OR1F1: variants seen among roughly 807,000 people sequenced by gnomAD.
OR1F1 encodes the protein olfactory receptor 1F1.
For missense variants in OR1F1, 493 were observed against 376.3 expected, an observed-to-expected ratio of 1.31 and a Z score of -2.57; for synonymous variants, 184 against 156.7, an observed-to-expected ratio of 1.17 and a Z score of -1.30.
At chr16:3,196,184 C>G in the OR1F1 span, among the ~76,000 whole-genome samples, 13 of 152,338 alleles carry the variant, frequency 8.5e-5, no homozygotes, top group African/African-American at 2.6e-4. Context: ...GAGCACAAGA[C>G]TCTTAATCTC....
At chr16:3,194,130 C>G in the OR1F1 span, among the ~76,000 whole-genome samples, 11 of 152,284 alleles carry the variant, frequency 7.2e-5, no homozygotes, top group South Asian at 2.1e-4. Context: ...GGGCATTAAA[C>G]AAGACACACA....
chr16:3,190,914 G>A, the OR1F1 span, among the ~76,000 whole-genome samples: 1 of 152,056 alleles, frequency 6.6e-6, no homozygotes, highest in Non-Finnish European at 1.5e-5. Flanking sequence ...CTTTGACAAC[G>A]GGACCTATGT....
rs113788191 is a variant in OR1F1 at position 3,204,390 on chromosome 16, C to T, written c.144C>T (p.Ser48=). Reference sequence around the variant, plus strand: ...TGGGGAACCTGCTCATCATCCTGTCCGTAAGCATAGACTCCTGCCTGCACA... The same window carrying T: ...TGGGGAACCTGCTCATCATCCTGTCTGTAAGCATAGACTCCTGCCTGCACA... The change falls in exon 1 of 1, where the codon TCC becomes TCT. Residue 48 remains serine (S), a synonymous_variant. Coordinates refer to ENST00000304646, the Ensembl canonical transcript of OR1F1. The T allele has an allele frequency of 1.4e-3, 2,250 of 1,614,056 alleles. 30 individuals carry two copies. The African/African-American group carries it at 0.026, about 18-fold the overall frequency.
chr16:3,199,757 T>A (rs1353209696), upstream of OR1F1, among the ~76,000 whole-genome samples: 12 of 152,124 alleles, frequency 7.9e-5, no homozygotes, highest in Admixed American at 6.5e-5. Context: ...CTCACACTTG[T>A]AATCTCTCAG....
chr16:3,193,493 G>C, the OR1F1 span, among the ~76,000 whole-genome samples: 1 of 152,250 alleles, frequency 6.6e-6, no homozygotes, highest in African/African-American at 2.4e-5. Context: ...CGCCGGTGGC[G>C]CGAGGACGCA....
chr16:3,204,506 T>G, exon 1 of OR1F1: 1 of 1,614,198 alleles, frequency 6.2e-7, no homozygotes, highest in Non-Finnish European at 8.5e-7. Flanking sequence ...AATCACATAC[T>G]CGAGACTCAG....
the OR1F1 span, among the ~76,000 whole-genome samples, chr16:3,195,617 G>A: frequency 2.6e-5 from 4 of 151,098 alleles, no homozygotes; most frequent in Non-Finnish European, 4.4e-5. Flanking sequence ...GGGAGTTGGA[G>A]GTTGCAGTGA....
At chr16:3,191,976 G>A in the OR1F1 span, among the ~76,000 whole-genome samples, 16 of 152,266 alleles carry the variant, frequency 1.1e-4, no homozygotes, top group Middle Eastern at 3.4e-3. Flanking sequence ...AAAAGTAAAG[G>A]GCCTGCTGCT....
chr16:3,192,232 A>G, the OR1F1 span, among the ~76,000 whole-genome samples: 1 of 151,950 alleles, frequency 6.6e-6, no homozygotes, highest in Non-Finnish European at 1.5e-5. Context: ...AATTTTTTGT[A>G]TTTTTAGTAG....
At chr16:3,203,246 C>T (rs975200969), upstream of OR1F1, among the ~76,000 whole-genome samples, 1 of 152,186 alleles carries the variant, frequency 6.6e-6, no homozygotes, top group African/African-American at 2.4e-5. Flanking sequence ...CCCTAGTGGC[C>T]ATGGAGGCTC....
At chr16:3,204,993 C>T (rs201539092) in exon 1 of OR1F1, 44 of 1,614,024 alleles carry the variant, frequency 2.7e-5, no homozygotes, top group East Asian at 1.3e-4. Context: ...CTGTGGTTCT[C>T]CTCTTCTACA....
Position 3,204,502 on chromosome 16 carries a change from A to G in OR1F1, c.256A>G (p.Ile86Val), listed in dbSNP as rs376639452. The change falls in exon 1 of 1, where the codon ATA (isoleucine) becomes GTA (valine). Residue 86 changes from isoleucine to valine, a missense_variant. Ile to Val is a conservative substitution (Grantham distance 29, BLOSUM62 3). Transcript: ENST00000304646. ...CGTCCCCAAGATGCTGGCCAATCAC[A>G]TACTCGAGACTCAGACCATCTCCTT... 5.5e-5 allele frequency: 89 copies of G among 1,613,966 alleles called. No homozygotes were observed. Among genetic ancestry groups the G allele is most frequent in the Non-Finnish European group, 6.9e-5 (82 of 1,180,034 alleles).
the OR1F1 span, among the ~76,000 whole-genome samples, chr16:3,188,750 G>T: frequency 6.6e-6 from 1 of 152,160 alleles, no homozygotes; most frequent in African/African-American, 2.4e-5. Flanking sequence ...CTGGATTCTC[G>T]GGAGTCAGGT....
At chr16:3,200,608 A>G (rs893300206), upstream of OR1F1, among the ~76,000 whole-genome samples, 3 of 152,226 alleles carry the variant, frequency 2.0e-5, no homozygotes, top group Non-Finnish European at 4.4e-5. Context: ...AAAACAAACA[A>G]ACAAACAAAA....
chr16:3,193,854 T>C, the OR1F1 span, among the ~76,000 whole-genome samples: 1 of 152,166 alleles, frequency 6.6e-6, no homozygotes, highest in Non-Finnish European at 1.5e-5. Context: ...TCTAGGGTCA[T>C]TTTCTAGCCA....
chr16:3,200,767 G>A (rs112648625), upstream of OR1F1, among the ~76,000 whole-genome samples: 1 of 152,162 alleles, frequency 6.6e-6, no homozygotes, highest in Admixed American at 6.5e-5. Flanking sequence ...GGCTTACTGT[G>A]TGGACTGTGT....
chr16:3,195,638 C>T, the OR1F1 span, among the ~76,000 whole-genome samples: 1 of 139,644 alleles, frequency 7.2e-6, no homozygotes, highest in Non-Finnish European at 1.5e-5. Context: ...GCAGAGATCA[C>T]ACCATTGTAT....
chr16:3,190,238 G>C, the OR1F1 span, among the ~76,000 whole-genome samples: 1 of 152,078 alleles, frequency 6.6e-6, no homozygotes. Context: ...AGCCTCTTGG[G>C]GCTCCTCTGC....
At chr16:3,190,969 T>C in the OR1F1 span, among the ~76,000 whole-genome samples, 4 of 152,012 alleles carry the variant, frequency 2.6e-5, no homozygotes, top group Non-Finnish European at 5.9e-5. Flanking sequence ...AACAACCAAA[T>C]AGTTCTAGAT....
Sources: allele counts gnomAD v4.1 joint callset (sites outside exome capture counted in the v4.1 genomes callset), GRCh38; gene constraint gnomAD v4.1.1; transcripts MANE v1.5; gene names NCBI Gene and HGNC (gene_info 2026-07-23, HGNC 2026-07-21).